The following CLASP2 variants were observed in gnomAD, a reference collection of about 807,000 sequenced individuals.
CLASP2 encodes CLIP-associating protein 2.
CLASP2 carries 47 observed loss-of-function variants against 194.4 expected under a neutral mutation model. The ratio of observed to expected loss-of-function variants is 0.24; its 90% confidence interval spans 0.19 to 0.31. The LOEUF (loss-of-function observed/expected upper bound fraction) is 0.31, where lower values mean the gene tolerates loss of function less well. CLASP2 is among the 10% of genes least tolerant of loss of function. The pLI, the probability that CLASP2 is intolerant of heterozygous loss-of-function variation, is 1.00. For synonymous variants in CLASP2, 619 were observed against 633.5 expected (o/e 0.98, Z 0.34); for missense variants, 1,445 against 1,823.6 (o/e 0.79, Z 3.78).
intron 5 of CLASP2, 118 bp downstream of exon 5, chr3:33,686,942 C>T: frequency 1.7e-6 from 1 of 587,456 alleles, no homozygotes. Flanking sequence ...GAGGTAAAAT[C>T]TTGATTTCAG....
chr3:33,713,149 T>G (rs1486211254), intron 1 of CLASP2, among the ~76,000 whole-genome samples: 1 of 151,898 alleles, frequency 6.6e-6, no homozygotes, highest in Non-Finnish European at 1.5e-5. Context: ...CAGTATGACA[T>G]ATTTACATGT....
chr3:33,597,944 G>C (rs1201761089), intron 18 of CLASP2, among the ~76,000 whole-genome samples: 2 of 151,802 alleles, frequency 1.3e-5, no homozygotes, highest in Non-Finnish European at 2.9e-5. Flanking sequence ...GTAGAGACGA[G>C]GTTTCACCAT....
intron 7 of CLASP2, among the ~76,000 whole-genome samples, chr3:33,652,943 A>G (rs2083462415): frequency 6.6e-6 from 1 of 152,188 alleles, no homozygotes; most frequent in Non-Finnish European, 1.5e-5. Context: ...TCCTAATCTA[A>G]GGCCAGACCA....
At chr3:33,623,054 C>T (rs1210554902) in intron 10 of CLASP2, among the ~76,000 whole-genome samples, 1 of 152,154 alleles carries the variant, frequency 6.6e-6, no homozygotes, top group Non-Finnish European at 1.5e-5. Flanking sequence ...ACGGATCCAC[C>T]CACCTTGGCC....
chr3:33,512,754 C>G (rs2050262662), intron 36 of CLASP2, among the ~76,000 whole-genome samples: 1 of 149,248 alleles, frequency 6.7e-6, no homozygotes, highest in African/African-American at 2.5e-5. Flanking sequence ...CTTTGGGAGG[C>G]TGAGGCAGGC....
At chr3:33,680,136 A>G (rs2089547557) in intron 6 of CLASP2, among the ~76,000 whole-genome samples, 1 of 152,220 alleles carries the variant, frequency 6.6e-6, no homozygotes, top group African/African-American at 2.4e-5. Context: ...AAAAAGCTAC[A>G]TATTGTATGA....
intron 7 of CLASP2, among the ~76,000 whole-genome samples, chr3:33,660,616 A>T (rs527430618): frequency 2.0e-5 from 3 of 152,330 alleles, no homozygotes; most frequent in South Asian, 4.1e-4. Flanking sequence ...ACACCAAAAA[A>T]TTTTGTTTAC....
chr3:33,559,080 A>C (rs2061396482), intron 29 of CLASP2: 1 of 626,796 alleles, frequency 1.6e-6, no homozygotes, highest in East Asian at 3.1e-5. Context: ...CACTGCAGAG[A>C]GTTAAGAAAA....
intron 37 of CLASP2, chr3:33,502,982 T>G (rs1399563708): frequency 6.6e-6 from 1 of 152,200 alleles, no homozygotes; most frequent in Admixed American, 6.5e-5. Context: ...GTTTACATCT[T>G]CCTCCCCAAT....
intron 1 of CLASP2, among the ~76,000 whole-genome samples, chr3:33,704,767 C>CATAT (rs145119483): frequency 6.7e-6 from 1 of 149,484 alleles, no homozygotes; most frequent in African/African-American, 2.5e-5. Context: ...TATATATATA[C>CATAT]ATATATATAT....
intron 27 of CLASP2, among the ~76,000 whole-genome samples, chr3:33,565,057 A>G (rs1576499809): frequency 1.3e-5 from 2 of 152,040 alleles, no homozygotes; most frequent in South Asian, 4.2e-4. Flanking sequence ...AGCAACACCA[A>G]CCCCTCCTCT....
chr3:33,606,845 A>C (rs1195074710), intron 15 of CLASP2, 87 bp from the exon 16 acceptor site: 1 of 944,034 alleles, frequency 1.1e-6, no homozygotes, highest in African/African-American at 1.7e-5. Context: ...AAGGATGAAG[A>C]TAAGCCCACT....
chr3:33,496,759 GCTA>G lies in CLASP2; in HGVS notation c.*1869_*1871del, dbSNP rs2045838767. 6.6e-6 allele frequency: 1 copy of G among 152,136 alleles called. No individual in the cohort carries two copies. The allele number at this position is 152,136 out of a possible 1,614,324, so 9.4% of individuals were successfully genotyped here. On this transcript the variant is annotated 3_prime_UTR_variant, in exon 39 of 39. Transcript: ENST00000682230. ...CAAACATATCCAAAGGTCATAAAAT[GCTA>G]CTGAGAAGAGTTGTGTTTAAAATGC...
intron 24 of CLASP2, chr3:33,573,593 T>C (rs1576620412): frequency 1.8e-6 from 1 of 541,792 alleles, no homozygotes; most frequent in African/African-American, 1.9e-5. Context: ...TAAGACTATA[T>C]GGAAGTTCAG....
Position 33,667,988 on chromosome 3 carries a change from A to C in CLASP2, c.645-4473T>G, listed in dbSNP as rs186420396. ...TAATCCCAGCACTTTGGGAGGCTGA[A>C]GCAGGCAAATCACAAGGTCAGGAGT... On this transcript the variant is annotated intron_variant, in intron 6 of 38. Coordinates refer to ENST00000682230, the MANE Select transcript of CLASP2 (RefSeq NM_001365631.1). 1.1e-4 allele frequency among the ~76,000 whole-genome samples: 17 copies of C among 152,184 alleles called. No individual in the cohort carries two copies. In the East Asian group the frequency reaches 2.5e-3, roughly 22 times the overall value.
intron 7 of CLASP2, chr3:33,645,410 C>CA (rs1351583872): frequency 1.1e-5 from 8 of 737,476 alleles, no homozygotes; most frequent in Non-Finnish European, 1.7e-5. Context: ...AAGATTCTAT[C>CA]AAAAAAAGAC....
intron 19 of CLASP2, among the ~76,000 whole-genome samples, chr3:33,595,842 T>C (rs754931931): frequency 6.6e-6 from 1 of 151,984 alleles, no homozygotes; most frequent in Non-Finnish European, 1.5e-5. Context: ...TTTATTATAA[T>C]CATATAGAAA....
At chr3:33,610,714 G>A (rs1315765661) in intron 13 of CLASP2, among the ~76,000 whole-genome samples, 2 of 151,990 alleles carry the variant, frequency 1.3e-5, no homozygotes, top group South Asian at 2.1e-4. Context: ...CTTTAACAAC[G>A]TAAAAAACCC....
At chr3:33,602,822 G>T (rs1364836815) in intron 18 of CLASP2, 130 bp downstream of exon 18, 2 of 980,910 alleles carry the variant, frequency 2.0e-6, no homozygotes, top group Admixed American at 2.0e-5. Context: ...CCGCAATATA[G>T]AATTATATTA....
Sources: allele counts gnomAD v4.1 joint callset (sites outside exome capture counted in the v4.1 genomes callset), GRCh38; gene constraint gnomAD v4.1.1; transcripts MANE v1.5; gene names NCBI Gene and HGNC (gene_info 2026-07-23, HGNC 2026-07-21).